PPFIBP2: variants seen among roughly 807,000 people sequenced by gnomAD.
PPFIBP2 encodes PPFIB scaffold protein 2, also known as liprin-beta-2.
Under a neutral mutation model 118.3 loss-of-function variants are expected in PPFIBP2, and 118 were observed. The observed-to-expected ratio is 1.00, with a 90% CI of 0.86 to 1.16. The LOEUF is 1.16. Among genes scored for constraint, PPFIBP2 ranks in the 50% most tolerant of loss-of-function variants. The probability of loss-of-function intolerance (pLI) is 0.00; values close to 1 mark genes in which losing one functional copy is unlikely to be tolerated. For synonymous variants in PPFIBP2, 414 were observed against 397.4 expected (o/e 1.04, Z -0.50); for missense variants, 1,195 against 1,073.1 (o/e 1.11, Z -1.59).
chr11:7,611,497 T>C (rs58978058), intron 6 of PPFIBP2, among the ~76,000 whole-genome samples: 1,904 of 152,354 alleles, frequency 0.012, 58 homozygotes, highest in African/African-American at 0.044. Flanking sequence ...TTTGAGAACA[T>C]GTTCATTAAT....
At chr11:7,530,639 C>T (rs1161080052) in intron 1 of PPFIBP2, among the ~76,000 whole-genome samples, 3 of 152,240 alleles carry the variant, frequency 2.0e-5, no homozygotes, top group African/African-American at 7.2e-5. Flanking sequence ...TCCCAGCCTC[C>T]ATAGCTGTGA....
intron 3 of PPFIBP2, 124 bp from the exon 4 acceptor site, chr11:7,593,008 G>A (rs1173880398): frequency 7.4e-7 from 1 of 1,349,252 alleles, no homozygotes; most frequent in Non-Finnish European, 9.9e-7. Context: ...TTTGATGATT[G>A]GTTTTGTACA....
rs780469013 is a variant in PPFIBP2, at chr11:7,625,723, A to G, written c.712-54A>G. 37 of 1,460,128 alleles carry G rather than the reference A, an allele frequency of 2.5e-5. No individual in the cohort carries two copies. The Admixed American group carries it at 4.7e-4, about 19-fold the overall frequency. The allele number at this position is 1,460,128 out of a possible 1,614,324, so 90.4% of individuals were successfully genotyped here. The stretch of plus-strand genomic sequence containing the variant: ...TCTGGACTCTGACGGGAGGCACTTC[A>G]TCATGATTTGGCAGTCCTTCTGACC... On this transcript the variant is annotated intron_variant, in intron 7 of 23. Transcript: ENST00000299492.
intron 2 of PPFIBP2, among the ~76,000 whole-genome samples, chr11:7,560,181 T>G (rs1464035269): frequency 2.0e-5 from 3 of 152,198 alleles, no homozygotes; most frequent in Admixed American, 1.3e-4. Flanking sequence ...GGAAGAAACC[T>G]GTCTGGGTTT....
chr11:7,520,122 G>A (rs565848540), intron 1 of PPFIBP2, among the ~76,000 whole-genome samples: 1 of 152,298 alleles, frequency 6.6e-6, no homozygotes, highest in African/African-American at 2.4e-5. Context: ...ACAACACGAG[G>A]CGGTATGGCG....
At chr11:7,587,866 G>A (rs571231177) in intron 3 of PPFIBP2, among the ~76,000 whole-genome samples, 1 of 152,184 alleles carries the variant, frequency 6.6e-6, no homozygotes, top group East Asian at 1.9e-4. Context: ...TACAGTAAAG[G>A]CGATGATCTC....
intron 1 of PPFIBP2, among the ~76,000 whole-genome samples, chr11:7,517,574 C>G (rs61890178): frequency 1 from 150,615 of 150,616 alleles, 75,307 homozygotes; most frequent in Non-Finnish European, 1. Context: ...GGGAATGAGA[C>G]CAGGTTTGGG....
At position 7,565,693 on chromosome 11, in the gene PPFIBP2, G is replaced by A. The variant is rs765988840; in HGVS notation, c.205G>A (p.Glu69Lys). Residue 69 changes from glutamate to lysine, a missense_variant, in exon 3 of 24, where the codon GAG (glutamate) becomes AAG (lysine). Coordinates refer to ENST00000299492, the MANE Select transcript of PPFIBP2 (RefSeq NM_003621.5). ...CTTGGAGATGCTGGAGCTTCCTCAG[G>A]AGAGAGCAGCCCTCCTGAGCCAGAT... ...LALEMLELPQ[E>K]RAALLSQIPG... 1.2e-6 allele frequency: 2 copies of A among 1,614,164 alleles called. No homozygotes were observed. The highest frequency in any genetic ancestry group is 1.6e-4 in the Middle Eastern group (1 of 6,062).
In PPFIBP2 at chr11:7,634,487, T is replaced by C. The variant is rs1251302814; in HGVS notation, c.1137-8T>C. ...CATAACTATTTCTTTCTTTTGTGTT[T>C]TTTTCAGGGCTCAGAAAAAGCTCTC... On this transcript the variant is annotated splice_region_variant and splice_polypyrimidine_tract_variant and intron_variant, in intron 12 of 23. Transcript: ENST00000299492. The C allele has an allele frequency of 1.2e-6, 2 of 1,607,350 alleles. No individual in the cohort carries two copies. The highest frequency in any genetic ancestry group is 2.7e-5 in the African/African-American group (2 of 74,890).
In PPFIBP2 at chr11:7,577,338, T is replaced by C. The variant is rs375058598; in HGVS notation, c.279+11571T>C. On this transcript the variant is annotated intron_variant, in intron 3 of 23. Coordinates refer to ENST00000299492, the MANE Select transcript of PPFIBP2 (RefSeq NM_003621.5). Reference sequence around the variant, plus strand: ...GTATGTGCGTGTGTGTGTGTGTGTGTGTGTGTGTGTGTGTTTGTTGGGGTG... The same window carrying C: ...GTATGTGCGTGTGTGTGTGTGTGTGCGTGTGTGTGTGTGTTTGTTGGGGTG... The C allele has an allele frequency of 1.4e-3, 469 of 330,056 alleles. 2 individuals are homozygous for C. Among genetic ancestry groups the C allele is most frequent in the African/African-American group, 9.6e-3 (442 of 45,918 alleles). 20.4% of individuals were successfully genotyped at this position (330,056 alleles called of 1,614,324 possible).
the PPFIBP2 span, chr11:7,666,613 T>A: frequency 8.1e-7 from 1 of 1,233,332 alleles, no homozygotes; most frequent in Non-Finnish European, 1.2e-6. Flanking sequence ...CTGGACTGAC[T>A]ACACCGGTCA....
intron 21 of PPFIBP2, 32 bp from the exon 22 acceptor site, chr11:7,650,808 T>G: frequency 6.2e-7 from 1 of 1,610,446 alleles, no homozygotes; most frequent in Non-Finnish European, 8.5e-7. Flanking sequence ...CTATTAAGCC[T>G]AACTTCCTCA....
chr11:7,641,464 T>G lies in PPFIBP2; in HGVS notation c.1376-15T>G, dbSNP rs769533869. On this transcript the variant is annotated splice_polypyrimidine_tract_variant and intron_variant, in intron 15 of 23. Transcript: ENST00000299492. ...CATCCTTACATTCACATTCATTGCC[T>G]TCTTCCAATCTCAGGAGACACAGAA... 18 of 1,613,550 alleles carry G rather than the reference T, an allele frequency of 1.1e-5. No homozygotes were observed. Among genetic ancestry groups the G allele is most frequent in the East Asian group, 2.2e-5 (1 of 44,868 alleles).
chr11:7,544,853 G>T (rs967066132), intron 1 of PPFIBP2, among the ~76,000 whole-genome samples: 1 of 151,352 alleles, frequency 6.6e-6, no homozygotes, highest in African/African-American at 2.4e-5. Flanking sequence ...TGTCGCTTGG[G>T]ATTTTGGCTT....
chr11:7,559,084 T>C (rs1000013445), intron 2 of PPFIBP2, among the ~76,000 whole-genome samples: 3 of 152,214 alleles, frequency 2.0e-5, no homozygotes, highest in Non-Finnish European at 4.4e-5. Context: ...GTGACTTCAA[T>C]GTGCATTGAA....
chr11:7,665,641 G>T, the PPFIBP2 span: 1 of 1,338,244 alleles, frequency 7.5e-7, no homozygotes, highest in Non-Finnish European at 1.0e-6. Context: ...CAGGGAGGAG[G>T]TGACAAGCTG....
rs559430989 is a variant in PPFIBP2 at position 7,576,119 on chromosome 11, G to A, written c.279+10352G>A. On this transcript the variant is annotated intron_variant, in intron 3 of 23. Coordinates refer to ENST00000299492, the MANE Select transcript of PPFIBP2 (RefSeq NM_003621.5). Reference sequence around the variant, plus strand: ...ATTGAAGCCATGCTGAGGGGCATGCGGCATGAGGGGCATGAAGGACTGCTC... The same window carrying A: ...ATTGAAGCCATGCTGAGGGGCATGCAGCATGAGGGGCATGAAGGACTGCTC... 5.9e-5 allele frequency among the ~76,000 whole-genome samples: 9 copies of A among 152,306 alleles called. No homozygotes were observed. The South Asian group carries it at 1.7e-3, about 28-fold the overall frequency.
At chr11:7,577,614 C>T (rs1018531128) in intron 3 of PPFIBP2, 1 of 456,412 alleles carries the variant, frequency 2.2e-6, no homozygotes, top group East Asian at 7.0e-5. Flanking sequence ...TTGATGTTTA[C>T]AAGCATTTCT....
chr11:7,563,862 T>C (rs1854624412), intron 2 of PPFIBP2, among the ~76,000 whole-genome samples: 2 of 152,128 alleles, frequency 1.3e-5, no homozygotes, highest in Admixed American at 1.3e-4. Flanking sequence ...TGTTGTTAAA[T>C]AGGTGTAAGA....
Sources: gnomAD v4.1 joint callset for allele counts (sites outside exome capture counted in the v4.1 genomes callset) on GRCh38, gnomAD v4.1.1 for gene constraint, MANE v1.5 for transcripts, NCBI Gene and HGNC (gene_info 2026-07-23, HGNC 2026-07-21) for gene names.